PRPF18: variants seen among roughly 807,000 people sequenced by gnomAD.
PRPF18 encodes pre-mRNA-splicing factor 18.
A neutral mutation model predicts 46.5 loss-of-function variants in PRPF18; 38 were observed. The observed-to-expected ratio is 0.82, with a 90% CI of 0.63 to 1.07. The LOEUF (loss-of-function observed/expected upper bound fraction) is 1.07. Ranked by LOEUF, PRPF18 falls within the 50% of genes least tolerant of loss-of-function variation. PRPF18 has a pLI of 0.00. For missense variants in PRPF18, 263 were observed against 410.0 expected, an observed-to-expected ratio of 0.64 and a Z score of 3.10; for synonymous variants, 152 against 146.7, an observed-to-expected ratio of 1.04 and a Z score of -0.26.
intron 1 of PRPF18, 134 bp downstream of exon 1, chr10:13,587,286 T>C: frequency 1.1e-6 from 1 of 929,136 alleles, no homozygotes; most frequent in Non-Finnish European, 1.7e-6. Flanking sequence ...CCACTACCCC[T>C]GGTAGGCCCC....
intron 6 of PRPF18, among the ~76,000 whole-genome samples, chr10:13,612,170 G>A (rs1256099214): frequency 6.6e-6 from 1 of 152,116 alleles, no homozygotes; most frequent in Admixed American, 6.5e-5. Context: ...ATGAGCCACT[G>A]CGACTGGTCT....
At chr10:13,625,391 T>C (rs1191886701) in intron 9 of PRPF18, among the ~76,000 whole-genome samples, 5 of 151,950 alleles carry the variant, frequency 3.3e-5, no homozygotes, top group Non-Finnish European at 7.4e-5. Flanking sequence ...AGTTTGAGAA[T>C]CAAAATGAAC....
the PRPF18 span, among the ~76,000 whole-genome samples, chr10:13,653,658 T>TAACTC: frequency 2.6e-5 from 4 of 152,320 alleles, no homozygotes; most frequent in East Asian, 7.7e-4. Context: ...GGGGCCTCCT[T>TAACTC]AACTCCTCTA....
At chr10:13,612,622 C>CTTTTT (rs61113168) in intron 6 of PRPF18, among the ~76,000 whole-genome samples, 1 of 76,128 alleles carries the variant, frequency 1.3e-5, no homozygotes, top group African/African-American at 5.1e-5. Context: ...AGGGTTCTAG[C>CTTTTT]TTTTTTTTTT....
chr10:13,625,399 A>T (rs766299890), intron 9 of PRPF18, among the ~76,000 whole-genome samples: 2 of 152,258 alleles, frequency 1.3e-5, no homozygotes, highest in Non-Finnish European at 2.9e-5. Flanking sequence ...AATCAAAATG[A>T]ACTCTTAAAA....
the PRPF18 span, chr10:13,637,710 TAG>T: frequency 6.6e-6 from 1 of 152,250 alleles, no homozygotes; most frequent in Non-Finnish European, 1.5e-5. Flanking sequence ...CTTTGCCCAA[TAG>T]ATTTTATAAA....
downstream of PRPF18, among the ~76,000 whole-genome samples, chr10:13,633,873 C>T (rs1341432489): frequency 6.6e-6 from 1 of 152,170 alleles, no homozygotes; most frequent in Non-Finnish European, 1.5e-5. Flanking sequence ...CTGTCCAGAG[C>T]GCAAGAGCCA....
rs114163820 is a variant in PRPF18 at position 13,616,792 on chromosome 10, A to T, written c.948+239A>T. ...AGTATTGTGCTTTAATTACCTTAGC[A>T]CTGAAATAAAATGATTGCAGTTTGC... On this transcript the variant is annotated intron_variant, in intron 9 of 9. Transcript: ENST00000378572. 5.6e-3 allele frequency among the ~76,000 whole-genome samples: 853 copies of T among 152,100 alleles called. 11 individuals are homozygous for T. Among genetic ancestry groups the T allele is most frequent in the African/African-American group, 0.02 (815 of 41,438 alleles).
the PRPF18 span, chr10:13,653,516 G>C: frequency 1.3e-5 from 2 of 152,198 alleles, no homozygotes; most frequent in South Asian, 2.1e-4. Context: ...AAGTATGAGA[G>C]CCTGAAAGGC....
At chr10:13,605,250 T>C (rs1378077648) in intron 3 of PRPF18, among the ~76,000 whole-genome samples, 1 of 152,216 alleles carries the variant, frequency 6.6e-6, no homozygotes, top group Non-Finnish European at 1.5e-5. Flanking sequence ...TAAGGTACAA[T>C]ATACAAATTG....
the PRPF18 span, chr10:13,643,365 GC>G: frequency 1.1e-4 from 17 of 152,320 alleles, no homozygotes; most frequent in Admixed American, 4.6e-4. Context: ...CACACAGGGA[GC>G]CGTTTGCAGT....
the PRPF18 span, among the ~76,000 whole-genome samples, chr10:13,648,990 A>G: frequency 6.6e-6 from 1 of 150,682 alleles, no homozygotes; most frequent in Admixed American, 6.6e-5. Flanking sequence ...ATGTAAATGT[A>G]TATGAAACAT....
intron 1 of PRPF18, chr10:13,592,236 C>T (rs780370177): frequency 5.5e-5 from 31 of 559,742 alleles, no homozygotes; most frequent in Non-Finnish European, 9.4e-5. Context: ...TTGAGGTGAC[C>T]CTTTTTCACC....
intron 2 of PRPF18, among the ~76,000 whole-genome samples, chr10:13,599,445 A>G (rs1331529288): frequency 6.6e-6 from 1 of 152,120 alleles, no homozygotes; most frequent in Non-Finnish European, 1.5e-5. Context: ...TTTTGGATTT[A>G]TCTTATGGTC....
chr10:13,640,992 C>T, the PRPF18 span: 2 of 152,392 alleles, frequency 1.3e-5, no homozygotes, highest in Non-Finnish European at 2.9e-5. Context: ...AATATGGAGG[C>T]AATCTTAAGG....
At chr10:13,604,092 T>C (rs761099926) in intron 3 of PRPF18, among the ~76,000 whole-genome samples, 4 of 152,226 alleles carry the variant, frequency 2.6e-5, no homozygotes, top group Non-Finnish European at 4.4e-5. Flanking sequence ...AGAAATGTGA[T>C]TCCTGCCATT....
At chr10:13,593,188 T>A (rs2079988962) in intron 1 of PRPF18, among the ~76,000 whole-genome samples, 1 of 152,176 alleles carries the variant, frequency 6.6e-6, no homozygotes, top group East Asian at 1.9e-4. Flanking sequence ...AGGAAAACTG[T>A]ATACTAGTTC....
At chr10:13,609,642 A>C (rs2080243052) in intron 4 of PRPF18, among the ~76,000 whole-genome samples, 1 of 152,220 alleles carries the variant, frequency 6.6e-6, no homozygotes. Flanking sequence ...ATGTTTTGGG[A>C]GTTCACAGTA....
chr10:13,599,868 C>A (rs765813718), intron 2 of PRPF18, among the ~76,000 whole-genome samples: 11 of 152,192 alleles, frequency 7.2e-5, no homozygotes, highest in Non-Finnish European at 1.5e-4. Context: ...AATAACCCTG[C>A]AAGACAATTT....
Sources: allele counts gnomAD v4.1 joint callset (sites outside exome capture counted in the v4.1 genomes callset), GRCh38; gene constraint gnomAD v4.1.1; transcripts MANE v1.5; gene names NCBI Gene and HGNC (gene_info 2026-07-23, HGNC 2026-07-21).